Variants in CBFA2T3 observed in about 807,000 individuals in gnomAD.
The protein encoded by CBFA2T3 is CBFA2/RUNX1 partner transcriptional co-repressor 3, also known as transcriptional corepressor CBFA2T3.
In CBFA2T3, 31 loss-of-function variants were observed where a neutral mutation model predicts 58.6. The ratio of observed to expected loss-of-function variants is 0.53; its 90% CI spans 0.40 to 0.71. The LOEUF (loss-of-function observed/expected upper bound fraction) is 0.71, where lower values mean the gene tolerates loss of function less well. CBFA2T3 is among the 30% of genes least tolerant of loss of function. The probability of loss-of-function intolerance (pLI) is 0.00; values close to 1 mark genes in which losing one functional copy is unlikely to be tolerated. For missense variants in CBFA2T3, 1,076 were observed against 963.1 expected, an observed-to-expected ratio of 1.12 and a Z score of -1.55; for synonymous variants, 531 against 421.9, an observed-to-expected ratio of 1.26 and a Z score of -3.17.
chr16:88,920,295 GA>G (rs1970869555), intron 1 of CBFA2T3, among the ~76,000 whole-genome samples: 1 of 152,080 alleles, frequency 6.6e-6, no homozygotes, highest in African/African-American at 2.4e-5. Flanking sequence ...TTCTTTTTTT[GA>G]GATGGAGTCT....
chr16:88,885,274 C>A lies in CBFA2T3; in HGVS notation c.894-5G>T, dbSNP rs772958174. The A allele has an allele frequency of 1.3e-6, 2 of 1,527,164 alleles. No individual in the cohort carries two copies. Among genetic ancestry groups the A allele is most frequent in the Non-Finnish European group, 1.8e-6 (2 of 1,132,938 alleles). The allele number at this position is 1,527,164 out of a possible 1,614,324, so 94.6% of individuals were successfully genotyped here. On this transcript the variant is annotated splice_polypyrimidine_tract_variant and splice_region_variant and intron_variant, in intron 6 of 11. Coordinates refer to ENST00000268679, the MANE Select transcript of CBFA2T3 (RefSeq NM_005187.6). This position sits in a 1 kb window ranked among gnomAD's most constrained non-coding sequence, Gnocchi z 5.3. ...TCTGACCCGTTCTCTTTGGTCCTAG[C>A]CCCAAGAGCAGGTGGGGCGAGGGCA...
Position 88,953,214 on chromosome 16 carries a change from C to A in CBFA2T3, c.151+23443G>T, listed in dbSNP as rs1308469245. On this transcript the variant is annotated intron_variant, in intron 1 of 11. Coordinates refer to ENST00000268679, the MANE Select transcript of CBFA2T3 (RefSeq NM_005187.6). The surrounding 1 kb of genome is among the most constrained non-coding windows in gnomAD (Gnocchi z 4.9). The stretch of plus-strand genomic sequence containing the variant: ...CTCCCTCGGCTGGGTTTGTCATGCT[C>A]AGCCAGACCCGCTCCCGGTGGAGAG... Among the ~76,000 whole-genome samples the A allele has an allele frequency of 2.0e-5, 3 of 152,230 alleles. No individual in the cohort carries two copies. The highest frequency in any genetic ancestry group is 4.4e-5 in the Non-Finnish European group (3 of 68,034).
chr16:88,917,442 G>A (rs1489077404), intron 1 of CBFA2T3, among the ~76,000 whole-genome samples: 2 of 152,206 alleles, frequency 1.3e-5, no homozygotes, highest in African/African-American at 2.4e-5. Flanking sequence ...CCACGTGCAG[G>A]GCCTGCAGGG....
intron 1 of CBFA2T3, among the ~76,000 whole-genome samples, chr16:88,912,193 CTCT>C (rs1027716904): frequency 2.6e-4 from 40 of 152,374 alleles, no homozygotes; most frequent in African/African-American, 9.6e-4. Flanking sequence ...CTGGCCTTGC[CTCT>C]TCCTTTCCCA....
intron 5 of CBFA2T3, 65 bp downstream of exon 5, chr16:88,891,817 A>G: frequency 8.8e-7 from 1 of 1,132,070 alleles, no homozygotes; most frequent in East Asian, 2.4e-5. Flanking sequence ...CCACGCTGGC[A>G]AGGAGTGGGA....
Position 88,976,980 on chromosome 16 carries a change from G to C in CBFA2T3, c.-173C>G, listed in dbSNP as rs894430041. On this transcript the variant is annotated 5_prime_UTR_variant, in exon 1 of 12. Transcript: ENST00000268679. ...CGAGGCCCTCCCGGCCACCAACTGG[G>C]TGTCCTCTGCCCTGGGGAGGGGGTG... 1 of 705,976 alleles carries C rather than the reference G, an allele frequency of 1.4e-6. No homozygotes were observed. The highest frequency in any genetic ancestry group is 1.8e-5 in the African/African-American group (1 of 55,972). The allele number at this position is 705,976 out of a possible 1,614,324, so 43.7% of individuals were successfully genotyped here. A position where few individuals can be genotyped will look rare whatever the true frequency, so the allele number is the denominator to read the frequency against.
Position 88,885,336 on chromosome 16 carries a change from G to T in CBFA2T3, c.894-67C>A, listed in dbSNP as rs921612876. On this transcript the variant is annotated intron_variant, in intron 6 of 11. Coordinates refer to ENST00000268679, the MANE Select transcript of CBFA2T3 (RefSeq NM_005187.6). This position sits in a 1 kb window ranked among gnomAD's most constrained non-coding sequence, Gnocchi z 5.3. ...ATGAACCGGGGACAGAGGTGCAGGT[G>T]GGGTGAGAGGCAGACAGGCAAGGGC... 2.6e-6 allele frequency: 3 copies of T among 1,137,982 alleles called. No homozygotes were observed. The highest frequency in any genetic ancestry group is 5.4e-5 in the East Asian group (2 of 36,782). The allele number at this position is 1,137,982 out of a possible 1,614,324, so 70.5% of individuals were successfully genotyped here.
chr16:88,875,417 C>T lies in CBFA2T3; in HGVS notation c.*1559G>A, dbSNP rs1968792746. ...GACACACCCCAGGGCCAGAGGCGAA[C>T]GCATCTGAGGGGTGGCTGGGCAGGA... On this transcript the variant is annotated 3_prime_UTR_variant, in exon 12 of 12. Transcript: ENST00000268679. 1.7e-5 allele frequency: 4 copies of T among 232,742 alleles called. No homozygotes were observed. The highest frequency in any genetic ancestry group is 1.8e-4 in the South Asian group (1 of 5,550). The allele number at this position is 232,742 out of a possible 1,614,324, so 14.4% of individuals were successfully genotyped here.
In CBFA2T3 at chr16:88,940,937, C is replaced by T. The variant is rs1597766234; in HGVS notation, c.151+35720G>A. On this transcript the variant is annotated intron_variant, in intron 1 of 11. Transcript: ENST00000268679. ...AAAACGGCCCGTGCGCTCGGCGCGGCTGCGGCGCAGATCCGGGAACGGCAG... is the reference window on the plus strand; with the variant it reads ...AAAACGGCCCGTGCGCTCGGCGCGGTTGCGGCGCAGATCCGGGAACGGCAG... The T allele has an allele frequency of 3.9e-5, 28 of 717,806 alleles. No homozygotes were observed. The South Asian group carries it at 1.4e-3, about 36-fold the overall frequency. The allele number at this position is 717,806 out of a possible 1,614,324, so 44.5% of individuals were successfully genotyped here. A position where few individuals can be genotyped will look rare whatever the true frequency, so the allele number is the denominator to read the frequency against.
At chr16:88,898,223 C>A in intron 2 of CBFA2T3, 71 bp from the exon 3 acceptor site, 1 of 1,183,060 alleles carries the variant, frequency 8.5e-7, no homozygotes, top group Non-Finnish European at 1.3e-6. Context: ...CAGGGGCGCC[C>A]GCGGCCACCT....
chr16:88,906,491 C>G (rs113887002), intron 1 of CBFA2T3, among the ~76,000 whole-genome samples: 52 of 152,366 alleles, frequency 3.4e-4, no homozygotes, highest in African/African-American at 1.2e-3. Context: ...AGTCATCAAA[C>G]CACTTGGAAA....
intron 1 of CBFA2T3, chr16:88,951,317 A>C: frequency 2.2e-6 from 1 of 457,486 alleles, no homozygotes; most frequent in Non-Finnish European, 4.4e-6. Flanking sequence ...GAGTGTTGGC[A>C]CCTGTCTTCT....
At chr16:88,882,503 G>T (rs1050442137) in intron 8 of CBFA2T3, among the ~76,000 whole-genome samples, 173 bp downstream of exon 8, 7 of 149,948 alleles carry the variant, frequency 4.7e-5, no homozygotes, top group African/African-American at 1.7e-4. Context: ...GGGCGTGGCT[G>T]TGGCTGTGTG....
Position 88,875,832 on chromosome 16 carries a change from C to T in CBFA2T3, c.*1144G>A, listed in dbSNP as rs896794056. 8.1e-5 allele frequency: 19 copies of T among 233,364 alleles called. No individual in the cohort carries two copies. Among genetic ancestry groups the T allele is most frequent in the South Asian group, 3.6e-4 (2 of 5,530 alleles). The allele number at this position is 233,364 out of a possible 1,614,324, so 14.5% of individuals were successfully genotyped here. On this transcript the variant is annotated 3_prime_UTR_variant, in exon 12 of 12. Coordinates refer to ENST00000268679, the MANE Select transcript of CBFA2T3 (RefSeq NM_005187.6). ...GCACTTTTTTTCCACAAGTGGAAAA[C>T]GGAAATATGAAAAGTCACAGGGGGC...
intron 1 of CBFA2T3, among the ~76,000 whole-genome samples, chr16:88,916,567 G>C (rs1439473988): frequency 6.6e-6 from 1 of 151,408 alleles, no homozygotes; most frequent in African/African-American, 2.4e-5. Flanking sequence ...AGAACACTCC[G>C]GCCTGAGTGA....
Position 88,930,560 on chromosome 16 carries a change from C to A in CBFA2T3, c.152-28904G>T, listed in dbSNP as rs115832426. ...CTCCAGTGCGGGGAGCCACGAAGGC[C>A]CCGAGCTGACAAAGCCAGACACAAG... On this transcript the variant is annotated intron_variant, in intron 1 of 11. Transcript: ENST00000268679. Among the ~76,000 whole-genome samples the A allele has an allele frequency of 8.1e-3, 1,227 of 151,738 alleles. 23 individuals carry two copies. Among genetic ancestry groups the A allele is most frequent in the African/African-American group, 0.027 (1,119 of 41,242 alleles).
At chr16:88,895,984 GTA>G (rs1255884010) in intron 3 of CBFA2T3, among the ~76,000 whole-genome samples, 2 of 152,190 alleles carry the variant, frequency 1.3e-5, no homozygotes, top group Non-Finnish European at 2.9e-5. Flanking sequence ...GACCTCCTTT[GTA>G]CTGTGTGTCC....
intron 1 of CBFA2T3, among the ~76,000 whole-genome samples, chr16:88,911,132 G>T (rs754483811): frequency 6.6e-6 from 1 of 152,242 alleles, no homozygotes; most frequent in Non-Finnish European, 1.5e-5. Context: ...GGCCCTTCCA[G>T]GTCCTCATGG....
chr16:88,919,101 G>C (rs1004256827), intron 1 of CBFA2T3, among the ~76,000 whole-genome samples: 1 of 152,178 alleles, frequency 6.6e-6, no homozygotes, highest in African/African-American at 2.4e-5. Context: ...GTCACGGCCT[G>C]TTCCTCTTCC....
Sources: allele counts gnomAD v4.1 joint callset (sites outside exome capture counted in the v4.1 genomes callset), GRCh38; gene constraint gnomAD v4.1.1; non-coding constraint Gnocchi (gnomAD v3.1); transcripts MANE v1.5; gene names NCBI Gene and HGNC (gene_info 2026-07-23, HGNC 2026-07-21).